Variants in LGSN observed in about 807,000 individuals in gnomAD.
LGSN encodes lengsin.
LGSN carries 21 observed loss-of-function variants against 19.5 expected under a neutral mutation model. That is an observed-to-expected ratio of 1.07 (90% CI 0.76 to 1.55). The LOEUF is 1.55. LGSN is among the 40% of genes most tolerant of loss of function. The pLI is 0.00. For missense variants in LGSN, 673 were observed against 608.5 expected, an observed-to-expected ratio of 1.11 and a Z score of -1.12; for synonymous variants, 257 against 215.6, an observed-to-expected ratio of 1.19 and a Z score of -1.68.
the LGSN span, among the ~76,000 whole-genome samples, chr6:63,497,480 G>A: frequency 5.3e-5 from 8 of 152,102 alleles, no homozygotes; most frequent in South Asian, 2.1e-4. Flanking sequence ...TTGAACCCGC[G>A]AGGTGGAGGT....
chr6:63,449,633 C>G, the LGSN span, among the ~76,000 whole-genome samples: 1 of 151,180 alleles, frequency 6.6e-6, no homozygotes. Flanking sequence ...AGAAAACAAC[C>G]AGTCCAAACT....
At chr6:63,329,790 G>T in the LGSN span, among the ~76,000 whole-genome samples, 1 of 152,158 alleles carries the variant, frequency 6.6e-6, no homozygotes, top group South Asian at 2.1e-4. Flanking sequence ...CCTAATAAGG[G>T]TGTGGGACTT....
At chr6:63,464,180 G>C in the LGSN span, among the ~76,000 whole-genome samples, 1 of 151,890 alleles carries the variant, frequency 6.6e-6, no homozygotes, top group Non-Finnish European at 1.5e-5. Flanking sequence ...AAAAATGTGA[G>C]ACTATGAATC....
At chr6:63,474,903 A>T in the LGSN span, among the ~76,000 whole-genome samples, 1 of 147,940 alleles carries the variant, frequency 6.8e-6, no homozygotes, top group African/African-American at 2.4e-5. Flanking sequence ...AAAAAAAAAA[A>T]GGAAAGAAAA....
the LGSN span, among the ~76,000 whole-genome samples, chr6:63,448,703 T>C: frequency 3.9e-5 from 6 of 152,198 alleles, no homozygotes; most frequent in Non-Finnish European, 8.8e-5. Flanking sequence ...CTTATTCTTT[T>C]TGTTTCTTTT....
the LGSN span, among the ~76,000 whole-genome samples, chr6:63,380,197 G>C: frequency 6.6e-6 from 1 of 152,146 alleles, no homozygotes. Context: ...ACAGGGTTTT[G>C]TTTTGCATTA....
the LGSN span, among the ~76,000 whole-genome samples, chr6:63,412,575 G>GAAGAAAGA: frequency 5.4e-4 from 49 of 90,124 alleles, 1 homozygote; most frequent in African/African-American, 1.9e-3. Context: ...AGAAAGGAAG[G>GAAGAAAGA]AAGGAAAGAA....
At chr6:63,522,169 AT>A in the LGSN span, among the ~76,000 whole-genome samples, 1 of 152,092 alleles carries the variant, frequency 6.6e-6, no homozygotes, top group Non-Finnish European at 1.5e-5. Flanking sequence ...CTCTATATTT[AT>A]GTTTTCTGAT....
chr6:63,478,481 G>A, the LGSN span, among the ~76,000 whole-genome samples: 6 of 106,798 alleles, frequency 5.6e-5, no homozygotes, highest in East Asian at 1.1e-3. Context: ...GCCCTAGGAC[G>A]TTCTGAAAAA....
At chr6:63,375,147 T>A in the LGSN span, among the ~76,000 whole-genome samples, 1 of 152,154 alleles carries the variant, frequency 6.6e-6, no homozygotes, top group East Asian at 1.9e-4. Context: ...TTTTAATCAT[T>A]TTCTTTTTTA....
chr6:63,364,674 G>A, the LGSN span, among the ~76,000 whole-genome samples: 126 of 152,062 alleles, frequency 8.3e-4, no homozygotes, highest in African/African-American at 2.7e-3. Context: ...AAAATTGGCC[G>A]CATAGTTGGA....
upstream of LGSN, among the ~76,000 whole-genome samples, chr6:63,324,562 G>T (rs1769186084): frequency 6.6e-6 from 1 of 152,068 alleles, no homozygotes; most frequent in Admixed American, 6.5e-5. Flanking sequence ...ATTATATCAA[G>T]TGTTTTATCA....
the LGSN span, among the ~76,000 whole-genome samples, chr6:63,507,898 C>A: frequency 6.6e-6 from 1 of 151,198 alleles, no homozygotes; most frequent in Non-Finnish European, 1.5e-5. Flanking sequence ...TCTACTAGAG[C>A]AAAAACATAA....
the LGSN span, among the ~76,000 whole-genome samples, chr6:63,556,663 G>A: frequency 7.9e-5 from 12 of 152,154 alleles, no homozygotes; most frequent in Admixed American, 2.0e-4. Context: ...TGTCACTATC[G>A]CTTTGGGTGA....
At chr6:63,551,200 G>T in the LGSN span, among the ~76,000 whole-genome samples, 1 of 151,928 alleles carries the variant, frequency 6.6e-6, no homozygotes, top group Non-Finnish European at 1.5e-5. Context: ...CAAATAGCTG[G>T]GACTACAGGG....
At chr6:63,538,412 A>G in the LGSN span, among the ~76,000 whole-genome samples, 13,198 of 152,290 alleles carry the variant, frequency 0.087, 610 homozygotes, top group East Asian at 0.16. Context: ...ATTGAATTAT[A>G]AAAGATCAAT....
the LGSN span, among the ~76,000 whole-genome samples, chr6:63,508,613 G>T: frequency 1.3e-5 from 2 of 152,014 alleles, no homozygotes; most frequent in African/African-American, 2.4e-5. Context: ...GAGGGAGATG[G>T]TTATGTTATA....
At chr6:63,396,995 G>A in the LGSN span, 2 of 152,418 alleles carry the variant, frequency 1.3e-5, no homozygotes, top group Non-Finnish European at 2.9e-5. Context: ...CCCCATCCAA[G>A]GAAGAGAATG....
At chr6:63,409,722 G>C in the LGSN span, among the ~76,000 whole-genome samples, 1 of 152,172 alleles carries the variant, frequency 6.6e-6, no homozygotes, top group Non-Finnish European at 1.5e-5. Context: ...TTTGGGTCAT[G>C]TTAAATATTT....
Sources: gnomAD v4.1 joint callset for allele counts (sites outside exome capture counted in the v4.1 genomes callset) on GRCh38, gnomAD v4.1.1 for gene constraint, MANE v1.5 for transcripts, NCBI Gene and HGNC (gene_info 2026-07-23, HGNC 2026-07-21) for gene names.